The following XRCC3 variants were observed in gnomAD, a reference collection of about 807,000 sequenced individuals.
XRCC3 encodes DNA repair protein XRCC3.
XRCC3 carries 34 observed loss-of-function variants against 29.2 expected under a neutral mutation model. That is an observed-to-expected ratio of 1.16 (90% CI 0.88 to 1.55). The LOEUF (loss-of-function observed/expected upper bound fraction) is 1.55. Among genes scored for constraint, XRCC3 ranks in the 40% most tolerant of loss-of-function variants. XRCC3 has a pLI of 0.00. For synonymous variants in XRCC3, 223 were observed against 211.3 expected (o/e 1.06, Z -0.48); for missense variants, 463 against 467.6 (o/e 0.99, Z 0.09).
intron 6 of XRCC3, chr14:103,703,958 C>T (rs1015484238): frequency 6.2e-6 from 1 of 161,426 alleles, no homozygotes; most frequent in African/African-American, 2.4e-5. Context: ...TTAAACAAAT[C>T]ACATGACTCA....
chr14:103,700,636 G>A (rs577827704), intron 7 of XRCC3: 24 of 1,601,758 alleles, frequency 1.5e-5, no homozygotes, highest in East Asian at 1.4e-4. Context: ...AGTGAAACTC[G>A]TCTGTGCTTC....
chr14:103,703,417 T>C lies in XRCC3; in HGVS notation c.407-90A>G. On this transcript the variant is annotated intron_variant, in intron 6 of 9. Coordinates refer to ENST00000555055, the MANE Select transcript of XRCC3 (RefSeq NM_005432.4). ...TCAAGTGCAGATGTCTCCCGCCATT[T>C]CTAACTCTCTGCCCCTCACAGGTTC... The C allele has an allele frequency of 2.1e-6, 3 of 1,401,416 alleles. No homozygotes were observed. The South Asian group carries it at 3.7e-5, about 17-fold the overall frequency. The allele number at this position is 1,401,416 out of a possible 1,614,324, so 86.8% of individuals were successfully genotyped here. A position where few individuals can be genotyped will look rare whatever the true frequency, so the allele number is the denominator to read the frequency against.
chr14:103,700,011 CCA>C (rs2083004023), intron 7 of XRCC3: 1 of 277,250 alleles, frequency 3.6e-6, no homozygotes, highest in South Asian at 3.8e-5. Flanking sequence ...CCAAACCTGG[CCA>C]CAGTGCCACC....
rs1165206221 is a variant in XRCC3 at position 103,698,609 on chromosome 14, C to T, written c.*189G>A. ...CCAGACCCAGGGAGAGGCAGAACAT[C>T]CCCCCAGCTCAGATGGGGGTCAGTC... is the stretch of plus-strand genomic sequence containing the variant. On this transcript the variant is annotated 3_prime_UTR_variant, in exon 10 of 10. Transcript: ENST00000555055. 1 of 626,026 alleles carries T rather than the reference C, an allele frequency of 1.6e-6. No individual in the cohort carries two copies. The highest frequency in any genetic ancestry group is 2.8e-6 in the Non-Finnish European group (1 of 353,700). The allele number at this position is 626,026 out of a possible 1,614,324, so 38.8% of individuals were successfully genotyped here.
chr14:103,708,261 A>G, intron 5 of XRCC3: 1 of 536,432 alleles, frequency 1.9e-6, no homozygotes, highest in South Asian at 2.0e-5. Flanking sequence ...TGCTTCCTGC[A>G]CCCCCTCCTC....
At chr14:103,700,004 A>C in intron 7 of XRCC3, 1 of 281,862 alleles carries the variant, frequency 3.5e-6, no homozygotes, top group Non-Finnish European at 7.0e-6. Context: ...AGACCACCCA[A>C]ACCTGGCCAC....
Position 103,703,297 on chromosome 14 carries a change from A to G in XRCC3, c.437T>C (p.Phe146Ser), listed in dbSNP as rs2151931421. Reference sequence around the variant, plus strand: ...GAGCTGCTGCAGGCGCTTGTGCGGGAAGGCGTCTTCCGTGCAGATGTAGAC... The same window carrying G: ...GAGCTGCTGCAGGCGCTTGTGCGGGGAGGCGTCTTCCGTGCAGATGTAGAC... ...GAVYICTEDAFPHKRLQQLMA... is the reference protein window; with the variant it reads ...GAVYICTEDASPHKRLQQLMA... Residue 146 changes from phenylalanine to serine, a missense_variant, in exon 7 of 10, where the codon TTC (phenylalanine) becomes TCC (serine). By Grantham distance (155) the Phe-to-Ser change is radical. Coordinates refer to ENST00000555055, the MANE Select transcript of XRCC3 (RefSeq NM_005432.4). The G allele has an allele frequency of 1.3e-6, 2 of 1,555,872 alleles. No homozygotes were observed. Among genetic ancestry groups the G allele is most frequent in the Non-Finnish European group, 1.7e-6 (2 of 1,152,946 alleles).
rs1282419551 is a variant in XRCC3 at position 103,709,041 on chromosome 14, A to G, written c.56-382T>C. On this transcript the variant is annotated intron_variant, in intron 4 of 9. Coordinates refer to ENST00000555055, the MANE Select transcript of XRCC3 (RefSeq NM_005432.4). ...GACAGTGCTCCAGAAGGGGGCAGGAAAAAACCAGCACCGAGCTTTCCACCA... is the reference window on the plus strand; with the variant it reads ...GACAGTGCTCCAGAAGGGGGCAGGAGAAAACCAGCACCGAGCTTTCCACCA... 8.5e-6 allele frequency: 3 copies of G among 353,310 alleles called. No individual in the cohort carries two copies. The East Asian group carries it at 2.2e-4, about 26-fold the overall frequency. 21.9% of individuals were successfully genotyped at this position (353,310 alleles called of 1,614,324 possible).
At chr14:103,710,847 G>C (rs2083600360) in intron 4 of XRCC3, 186 bp downstream of exon 4, 1 of 515,212 alleles carries the variant, frequency 1.9e-6, no homozygotes, top group African/African-American at 2.9e-5. Flanking sequence ...AATCCATGTA[G>C]TTAAGAACAC....
At chr14:103,710,587 A>AAAT (rs10665352) in intron 4 of XRCC3, 1 of 164,472 alleles carries the variant, frequency 6.1e-6, no homozygotes, top group Non-Finnish European at 1.3e-5. Flanking sequence ...AAATTTACAA[A>AAAT]AAAATTAGCC....
rs1252902452 is a variant in XRCC3 at position 103,701,198 on chromosome 14, C to T, written c.562-1622G>A. 3 of 1,550,868 alleles carry T rather than the reference C, an allele frequency of 1.9e-6. No individual in the cohort carries two copies. In the East Asian group the frequency reaches 7.3e-5, roughly 38 times the overall value. ...AGCCCTGACCTTCTATCTTCTCTTG[C>T]AGTGACCCCGACCTGGCCCCGCTCC... On this transcript the variant is annotated intron_variant, in intron 7 of 9. Coordinates refer to ENST00000555055, the MANE Select transcript of XRCC3 (RefSeq NM_005432.4).
chr14:103,698,984 G>T lies in XRCC3; in HGVS notation c.855C>A (p.Gly285=). ...CCAGGAGCTGGTTAGCCCAGGTTAT[G>T]CCAAGGGCTGGGGAAACACGTTCGT... is the stretch of plus-strand genomic sequence containing the variant. ...FWDERVSPAL[G]ITWANQLLVR... The change falls in exon 10 of 10, where the codon GGC becomes GGA. Residue 285 remains glycine (G), a synonymous_variant. Transcript: ENST00000555055. The T allele has an allele frequency of 6.3e-7, 1 of 1,597,026 alleles. No individual in the cohort carries two copies.
intron 5 of XRCC3, chr14:103,707,752 C>T (rs2368557): frequency 0.014 from 2,739 of 202,490 alleles, 74 homozygotes; most frequent in African/African-American, 0.059. Flanking sequence ...TCCACGACAC[C>T]GAAGCCCCTC....
chr14:103,701,423 T>TC (rs2083187416), intron 7 of XRCC3: 1 of 474,314 alleles, frequency 2.1e-6, no homozygotes, highest in African/African-American at 1.9e-5. Context: ...GCGTGGTCTC[T>TC]CCCAGGAGAC....
intron 4 of XRCC3, chr14:103,710,744 A>G: frequency 2.9e-6 from 1 of 346,742 alleles, no homozygotes; most frequent in Non-Finnish European, 5.4e-6. Flanking sequence ...CCCGTCTCCA[A>G]AAAAAAAAAA....
chr14:103,709,792 G>C (rs1361917497), intron 4 of XRCC3: 3 of 152,256 alleles, frequency 2.0e-5, no homozygotes, highest in African/African-American at 7.2e-5. Flanking sequence ...TTGGATAAGA[G>C]ACACAGGTGA....
intron 1 of XRCC3, among the ~76,000 whole-genome samples, chr14:103,714,569 C>T (rs1215529843): frequency 2.6e-5 from 4 of 151,964 alleles, no homozygotes; most frequent in East Asian, 1.9e-4. Context: ...GCTGTGAAGA[C>T]GCCACTGCAC....
intron 7 of XRCC3, chr14:103,699,784 A>C: frequency 3.3e-6 from 2 of 609,326 alleles, no homozygotes; most frequent in Non-Finnish European, 5.9e-6. Context: ...GGCTCACACA[A>C]CTGGTTCCCT....
chr14:103,709,119 T>G lies in XRCC3; in HGVS notation c.56-460A>C, dbSNP rs2083540654. The stretch of plus-strand genomic sequence containing the variant: ...GAGCCGCGGGAGAGGACATGTGCCC[T>G]GGGGAGGGGAGCGCTGGGAGGGTAG... On this transcript the variant is annotated intron_variant, in intron 4 of 9. Transcript: ENST00000555055. The G allele has an allele frequency of 9.6e-6, 3 of 311,226 alleles. No homozygotes were observed. In the Admixed American group the frequency reaches 1.4e-4, roughly 15 times the overall value. 19.3% of individuals were successfully genotyped at this position (311,226 alleles called of 1,614,324 possible).
Sources: gnomAD v4.1 joint callset for allele counts (sites outside exome capture counted in the v4.1 genomes callset) on GRCh38, gnomAD v4.1.1 for gene constraint, MANE v1.5 for transcripts, NCBI Gene and HGNC (gene_info 2026-07-23, HGNC 2026-07-21) for gene names.